PCDHGB4: variants seen among roughly 807,000 people sequenced by gnomAD.
The protein encoded by PCDHGB4 is protocadherin gamma subfamily B, 4, also known as protocadherin gamma-B4.
Under a neutral mutation model 60.5 loss-of-function variants are expected in PCDHGB4, and 38 were observed. The ratio of observed to expected loss-of-function variants is 0.63; its 90% CI spans 0.48 to 0.82. The LOEUF is 0.82. PCDHGB4 is among the 40% of genes least tolerant of loss of function. PCDHGB4 has a pLI of 0.00. For missense variants in PCDHGB4, 1,109 were observed against 1,209.6 expected (o/e 0.92, Z 1.23); for synonymous variants, 456 against 509.7 (o/e 0.89, Z 1.42).
At chr5:141,509,670 T>G (rs2099877782) in intron 3 of PCDHGB4, among the ~76,000 whole-genome samples, 1 of 152,136 alleles carries the variant, frequency 6.6e-6, no homozygotes, top group African/African-American at 2.4e-5. Flanking sequence ...TGGGCCCCAG[T>G]TTCTTCTTCT....
intron 2 of PCDHGB4, among the ~76,000 whole-genome samples, chr5:141,501,700 C>T (rs936448354): frequency 6.6e-6 from 1 of 151,950 alleles, no homozygotes; most frequent in African/African-American, 2.4e-5. Flanking sequence ...AGGGTGATTC[C>T]GAGGATAAAA....
At chr5:141,408,838 G>A in intron 1 of PCDHGB4, 1 of 1,613,588 alleles carries the variant, frequency 6.2e-7, no homozygotes, top group African/African-American at 1.3e-5. Flanking sequence ...GCTTGATATT[G>A]ACTGCCTTGG....
At chr5:141,405,385 A>G in intron 1 of PCDHGB4, 1 of 1,600,058 alleles carries the variant, frequency 6.2e-7, no homozygotes, top group Non-Finnish European at 8.5e-7. Flanking sequence ...CGGTGAGTTC[A>G]TTTTTTTTCT....
intron 1 of PCDHGB4, among the ~76,000 whole-genome samples, chr5:141,445,263 C>T (rs1170484721): frequency 1.3e-5 from 2 of 152,152 alleles, no homozygotes; most frequent in African/African-American, 2.4e-5. Context: ...GAATATAAGT[C>T]GAAACCACTC....
At chr5:141,471,508 G>A (rs1262338812) in intron 1 of PCDHGB4, 3 of 152,216 alleles carry the variant, frequency 2.0e-5, no homozygotes, top group African/African-American at 7.2e-5. Context: ...AAGAGAGGGA[G>A]TAAAAATAAC....
chr5:141,494,537 G>C (rs2099755111), intron 1 of PCDHGB4, among the ~76,000 whole-genome samples: 1 of 152,168 alleles, frequency 6.6e-6, no homozygotes, highest in Non-Finnish European at 1.5e-5. Flanking sequence ...TGGGGGCAGG[G>C]AGGAAGGGGC....
chr5:141,432,746 G>T lies in PCDHGB4; in HGVS notation c.2397+42465G>T, dbSNP rs772043134. The T allele has an allele frequency of 6.2e-7, 1 of 1,614,098 alleles. No individual in the cohort carries two copies. Among genetic ancestry groups the T allele is most frequent in the Non-Finnish European group, 8.5e-7 (1 of 1,179,992 alleles). Reference sequence around the variant, plus strand: ...CTCCGCCACTGTCACGCTCACCGTGGCCGTGGCCGACAGCATCCCCCAAGT... The same window carrying T: ...CTCCGCCACTGTCACGCTCACCGTGTCCGTGGCCGACAGCATCCCCCAAGT... On this transcript the variant is annotated intron_variant, in intron 1 of 3. Transcript: ENST00000519479. This position sits in a 1 kb window ranked among gnomAD's most constrained non-coding sequence, Gnocchi z 6.0.
chr5:141,441,565 C>T (rs1049476318), intron 1 of PCDHGB4: 62 of 200,838 alleles, frequency 3.1e-4, no homozygotes, highest in African/African-American at 1.4e-3. Context: ...CAAGTAGACA[C>T]CTCCAACCTA....
chr5:141,388,775 G>A lies in PCDHGB4; in HGVS notation c.891G>A (p.Gly297=), dbSNP rs1187741321. Residue 297 remains glycine, a synonymous_variant, in exon 1 of 4, where the codon GGG becomes GGA. Transcript: ENST00000519479. ...ITQFDLNSNT[G]EITVLNTLDF... is the part of the protein sequence containing the mutation. ...AATTTGACCTGAACTCTAACACCGG[G>A]GAAATTACTGTTTTAAATACATTAG... The A allele has an allele frequency of 6.2e-7, 1 of 1,613,726 alleles. No individual in the cohort carries two copies. Among genetic ancestry groups the A allele is most frequent in the Non-Finnish European group, 8.5e-7 (1 of 1,179,856 alleles).
At position 141,394,450 on chromosome 5, in the gene PCDHGB4, T is replaced by A. The variant is rs188283892; in HGVS notation, c.2397+4169T>A. Reference sequence around the variant, plus strand: ...GGGGACCCGCCCCTCAGCAGCAACATGTCACTGAGCCTGTTCGTGCTGGAC... The same window carrying A: ...GGGGACCCGCCCCTCAGCAGCAACAAGTCACTGAGCCTGTTCGTGCTGGAC... On this transcript the variant is annotated intron_variant, in intron 1 of 3. Transcript: ENST00000519479. 92 of 1,614,228 alleles carry A rather than the reference T, an allele frequency of 5.7e-5. No individual in the cohort carries two copies. The East Asian group carries it at 1.9e-3, about 34-fold the overall frequency.
chr5:141,393,657 C>G, intron 1 of PCDHGB4: 1 of 1,613,862 alleles, frequency 6.2e-7, no homozygotes, highest in Non-Finnish European at 8.5e-7. Context: ...ATACAAATTC[C>G]GGAAAATTAA....
In PCDHGB4 at chr5:141,476,584, C is replaced by A; in HGVS notation, c.2398-18223C>A. ...TGGCTCCGGGGACGCGCTTTCCGCTCGAGAGCGCGCACGATCCCGATGTGG... is the reference window on the plus strand; with the variant it reads ...TGGCTCCGGGGACGCGCTTTCCGCTAGAGAGCGCGCACGATCCCGATGTGG... On this transcript the variant is annotated intron_variant, in intron 1 of 3. Coordinates refer to ENST00000519479, the MANE Select transcript of PCDHGB4 (RefSeq NM_003736.4). This position sits in a 1 kb window ranked among gnomAD's most constrained non-coding sequence, Gnocchi z 7.6. The A allele has an allele frequency of 6.2e-7, 1 of 1,614,216 alleles. No homozygotes were observed. The highest frequency in any genetic ancestry group is 8.5e-7 in the Non-Finnish European group (1 of 1,180,042).
chr5:141,402,857 A>G, intron 1 of PCDHGB4: 2 of 1,425,270 alleles, frequency 1.4e-6, no homozygotes, highest in Non-Finnish European at 1.8e-6. Context: ...CTTTCTTCTA[A>G]GGAAAAGATC....
At chr5:141,483,816 A>G (rs2099587505) in intron 1 of PCDHGB4, among the ~76,000 whole-genome samples, 1 of 152,172 alleles carries the variant, frequency 6.6e-6, no homozygotes, top group Admixed American at 6.5e-5. Context: ...TTTGGCAGCC[A>G]GTGTAACCTA....
intron 1 of PCDHGB4, chr5:141,428,189 CTCTCTGCGCCGCTACGCTTCACCTAG>C: frequency 7.0e-7 from 1 of 1,429,262 alleles, no homozygotes; most frequent in Non-Finnish European, 9.7e-7. Flanking sequence ...ACAGCCGCCG[CTCTCTGCGCCGCTACGCTTCACCTAG>C]TCTTCGCAGA....
At position 141,485,120 on chromosome 5, in the gene PCDHGB4, G is replaced by A. The variant is rs2099607447; in HGVS notation, c.2398-9687G>A. On this transcript the variant is annotated intron_variant, in intron 1 of 3. Coordinates refer to ENST00000519479, the MANE Select transcript of PCDHGB4 (RefSeq NM_003736.4). The surrounding 1 kb of genome is among the most constrained non-coding windows in gnomAD (Gnocchi z 5.7). ...TCCAGCTGCTGTGGCTGTTTGGGGC[G>A]GGTCGGCTTCATCCGCGTCTCAGGA... The A allele has an allele frequency of 1.5e-6, 2 of 1,348,050 alleles. No homozygotes were observed. Among genetic ancestry groups the A allele is most frequent in the Non-Finnish European group, 2.1e-6 (2 of 952,710 alleles). 83.5% of individuals were successfully genotyped at this position (1,348,050 alleles called of 1,614,324 possible).
rs151239937 is a variant in PCDHGB4, at chr5:141,485,980, G to A, written c.2398-8827G>A. 1.9e-6 allele frequency: 3 copies of A among 1,614,020 alleles called. No homozygotes were observed. The highest frequency in any genetic ancestry group is 2.5e-6 in the Non-Finnish European group (3 of 1,180,004). Reference sequence around the variant, plus strand: ...TCATCCAGCTCAATGCCTCAGACCCGGACCTGGGTCCCAGTGGTAACGTCA... The same window carrying A: ...TCATCCAGCTCAATGCCTCAGACCCAGACCTGGGTCCCAGTGGTAACGTCA... On this transcript the variant is annotated intron_variant, in intron 1 of 3. Coordinates refer to ENST00000519479, the MANE Select transcript of PCDHGB4 (RefSeq NM_003736.4). The surrounding 1 kb of genome is among the most constrained non-coding windows in gnomAD (Gnocchi z 5.7).
chr5:141,485,601 G>T lies in PCDHGB4; in HGVS notation c.2398-9206G>T, dbSNP rs762783104. On this transcript the variant is annotated intron_variant, in intron 1 of 3. Transcript: ENST00000519479. The surrounding 1 kb of genome is among the most constrained non-coding windows in gnomAD (Gnocchi z 5.7). ...CGGCAGCAGCTGGACTTGGAAATTG[G>T]GGAGGCAGCTCCTCCAGGACAGCGT... The T allele has an allele frequency of 3.1e-6, 5 of 1,612,290 alleles. No individual in the cohort carries two copies. Among genetic ancestry groups the T allele is most frequent in the Non-Finnish European group, 4.2e-6 (5 of 1,178,722 alleles).
At chr5:141,453,058 G>C (rs2098754889) in intron 1 of PCDHGB4, among the ~76,000 whole-genome samples, 2 of 152,076 alleles carry the variant, frequency 1.3e-5, no homozygotes, top group Admixed American at 1.3e-4. Flanking sequence ...TGCAGTTTTA[G>C]AGTTTTGCCA....
Sources: gnomAD v4.1 joint callset for allele counts (sites outside exome capture counted in the v4.1 genomes callset) on GRCh38, gnomAD v4.1.1 for gene constraint, Gnocchi (gnomAD v3.1) non-coding constraint, MANE v1.5 for transcripts, NCBI Gene and HGNC (gene_info 2026-07-23, HGNC 2026-07-21) for gene names.